Variants in DGLUCY observed in about 807,000 individuals in gnomAD.
DGLUCY encodes the protein D-glutamate cyclase, mitochondrial.
A neutral mutation model predicts 58.5 loss-of-function variants in DGLUCY; 58 were observed. That is an observed-to-expected ratio of 0.99 (90% CI 0.80 to 1.23). The LOEUF (loss-of-function observed/expected upper bound fraction) is 1.23, where lower values mean the gene tolerates loss of function less well. Among genes scored for constraint, DGLUCY ranks in the 50% most tolerant of loss-of-function variants. The probability of loss-of-function intolerance (pLI) is 0.00; values close to 1 mark genes in which losing one functional copy is unlikely to be tolerated. For synonymous variants in DGLUCY, 325 were observed against 314.1 expected, an observed-to-expected ratio of 1.03 and a Z score of -0.37; for missense variants, 779 against 784.7, an observed-to-expected ratio of 0.99 and a Z score of 0.09.
At position 91,073,976 on chromosome 14, in the gene DGLUCY, C is replaced by A. The variant is rs184493580; in HGVS notation, c.-82+13272C>A. Among the ~76,000 whole-genome samples, 1,152 of 151,540 alleles carry A rather than the reference C, an allele frequency of 7.6e-3. 7 individuals are homozygous for A. The highest frequency in any genetic ancestry group is 0.012 in the Non-Finnish European group (791 of 67,908). ...TCTCTACAAAAAAATTTAAAAATTG[C>A]CTGGCACGGTGGCTCACACCTATAA... On this transcript the variant is annotated intron_variant, in intron 1 of 4. Coordinates refer to the DGLUCY transcript ENST00000521334.
Position 91,097,697 on chromosome 14 carries a change from G to T in DGLUCY, c.-82+36993G>T, listed in dbSNP as rs188955105. Among the ~76,000 whole-genome samples, 617 of 150,228 alleles carry T rather than the reference G, an allele frequency of 4.1e-3. 7 individuals are homozygous for T. The highest frequency in any genetic ancestry group is 0.014 in the African/African-American group (587 of 40,774). ...CTCCCTTTTTTTTTTTTTTGAGACG[G>T]AGTTTCGCTCTTGTTGCCCAGGCTG... On this transcript the variant is annotated intron_variant, in intron 1 of 4. Coordinates refer to the DGLUCY transcript ENST00000521334.
chr14:91,093,968 T>A (rs1164511700), intron 1 of DGLUCY, among the ~76,000 whole-genome samples: 1 of 152,012 alleles, frequency 6.6e-6, no homozygotes, highest in African/African-American at 2.4e-5. Flanking sequence ...GAATGAGAAG[T>A]GACTGCTTAA....
intron 9 of DGLUCY, among the ~76,000 whole-genome samples, chr14:91,192,124 A>G (rs771321422): frequency 2.2e-4 from 34 of 152,358 alleles, no homozygotes; most frequent in Admixed American, 4.6e-4. Context: ...CCAAGTGCCC[A>G]TCAATGGATG....
upstream of DGLUCY, among the ~76,000 whole-genome samples, chr14:91,110,110 T>G (rs1331893916): frequency 6.6e-6 from 1 of 152,262 alleles, no homozygotes; most frequent in African/African-American, 2.4e-5. Flanking sequence ...TTGATTATAC[T>G]TCTACATTCT....
chr14:91,130,479 T>G (rs2140194817), intron 1 of DGLUCY, among the ~76,000 whole-genome samples: 1 of 152,036 alleles, frequency 6.6e-6, no homozygotes, highest in South Asian at 2.1e-4. Context: ...AGCTAATTTT[T>G]GTATTTTTAG....
chr14:91,200,558 TTATC>T (rs1200082816), intron 11 of DGLUCY, among the ~76,000 whole-genome samples: 2 of 152,188 alleles, frequency 1.3e-5, no homozygotes, highest in Non-Finnish European at 2.9e-5. Context: ...AATTTAAAAA[TTATC>T]TAATATATGA....
In DGLUCY at chr14:91,189,181, A is replaced by T. The variant is rs2049710893; in HGVS notation, c.1195+11A>T. On this transcript the variant is annotated intron_variant, in intron 9 of 13. Coordinates refer to ENST00000256324, the MANE Select transcript of DGLUCY (RefSeq NM_001102368.3). The stretch of plus-strand genomic sequence containing the variant: ...ATGCTGTTGAGCAAGGTAAGCAGTG[A>T]GATGGGCTTGGTCCATTTCCCCAAA... The T allele has an allele frequency of 1.9e-6, 3 of 1,613,612 alleles. No homozygotes were observed. The highest frequency in any genetic ancestry group is 1.7e-5 in the Admixed American group (1 of 59,984).
chr14:91,101,488 A>C (rs966938694), intron 1 of DGLUCY, among the ~76,000 whole-genome samples: 1 of 152,236 alleles, frequency 6.6e-6, no homozygotes, highest in Non-Finnish European at 1.5e-5. Flanking sequence ...GATGCTCAGA[A>C]AGCAGGCATC....
intron 1 of DGLUCY, among the ~76,000 whole-genome samples, chr14:91,152,881 C>T (rs1022340947): frequency 2.0e-5 from 3 of 152,150 alleles, no homozygotes; most frequent in Non-Finnish European, 2.9e-5. Flanking sequence ...TTCTGTTTTT[C>T]GTGTGCATCC....
At chr14:91,133,561 A>T (rs1003599639) in intron 1 of DGLUCY, among the ~76,000 whole-genome samples, 2 of 152,090 alleles carry the variant, frequency 1.3e-5, no homozygotes, top group Non-Finnish European at 2.9e-5. Context: ...AAAATTATAT[A>T]TATTTTTTCT....
chr14:91,170,027 A>C lies in DGLUCY; in HGVS notation c.282A>C (p.Lys94Asn). 4 of 1,612,234 alleles carry C rather than the reference A, an allele frequency of 2.5e-6. No homozygotes were observed. The highest frequency in any genetic ancestry group is 3.4e-6 in the Non-Finnish European group (4 of 1,180,020). Residue 94 changes from lysine to asparagine, a missense_variant, in exon 5 of 14, where the codon AAA becomes AAC. Physicochemically the swap from Lys to Asn is moderately conservative, Grantham distance 94. Transcript: ENST00000256324. ...GGATGGGCCATCCCCAGTTCTGGAA[A>C]TACGAGTTCGGTGCCTGCACCGGCA... ...ETRMGHPQFW[K>N]YEFGACTGSL...
chr14:91,066,334 C>T (rs961967340), intron 1 of DGLUCY, among the ~76,000 whole-genome samples: 5 of 145,798 alleles, frequency 3.4e-5, no homozygotes, highest in Middle Eastern at 3.6e-3. Context: ...GCTGAGATTG[C>T]GCCATTGCAC....
At chr14:91,127,053 C>CAT (rs2045736182) in intron 1 of DGLUCY, among the ~76,000 whole-genome samples, 1 of 98,372 alleles carries the variant, frequency 1.0e-5, no homozygotes, top group East Asian at 3.0e-4. Context: ...TGATGATACT[C>CAT]TTTTTTTTTT....
intron 12 of DGLUCY, among the ~76,000 whole-genome samples, chr14:91,205,619 G>T (rs1884440081): frequency 6.6e-6 from 1 of 152,108 alleles, no homozygotes; most frequent in Non-Finnish European, 1.5e-5. Flanking sequence ...CCAGTGGTCT[G>T]GGGGCCCTCG....
chr14:91,192,785 CAG>C (rs2049977427), intron 9 of DGLUCY, among the ~76,000 whole-genome samples: 1 of 152,126 alleles, frequency 6.6e-6, no homozygotes, highest in South Asian at 2.1e-4. Flanking sequence ...GCCTGGGTGA[CAG>C]AGTAAAACTG....
intron 8 of DGLUCY, among the ~76,000 whole-genome samples, chr14:91,181,867 A>C (rs1266284243): frequency 1.3e-5 from 2 of 150,186 alleles, no homozygotes; most frequent in African/African-American, 2.5e-5. Context: ...GGCTGGTCTT[A>C]AACTGCTGAC....
At chr14:91,211,636 G>GA (rs1567011899) in intron 12 of DGLUCY, among the ~76,000 whole-genome samples, 2 of 152,082 alleles carry the variant, frequency 1.3e-5, no homozygotes, top group South Asian at 2.1e-4. Context: ...ATCCACATGA[G>GA]AAAAAATCAA....
intron 13 of DGLUCY, chr14:91,220,521 C>T (rs1335462125): frequency 2.2e-6 from 1 of 456,230 alleles, no homozygotes; most frequent in African/African-American, 2.0e-5. Flanking sequence ...AGGAGAGCTC[C>T]CACAGCCAGA....
At chr14:91,186,496 T>G (rs1362198061) in intron 8 of DGLUCY, among the ~76,000 whole-genome samples, 1 of 152,226 alleles carries the variant, frequency 6.6e-6, no homozygotes, top group African/African-American at 2.4e-5. Context: ...AGGTGATGGA[T>G]CAGGTGATCC....
Sources: allele counts gnomAD v4.1 joint callset (sites outside exome capture counted in the v4.1 genomes callset), GRCh38; gene constraint gnomAD v4.1.1; transcripts MANE v1.5; gene names NCBI Gene and HGNC (gene_info 2026-07-23, HGNC 2026-07-21).